The following CCSER1 variants were observed in gnomAD, a reference collection of about 807,000 sequenced individuals.
CCSER1 encodes the protein coiled-coil serine rich protein 1, also known as serine-rich coiled-coil domain-containing protein 1.
Under a neutral mutation model 82.0 loss-of-function variants are expected in CCSER1, and 41 were observed. That is an observed-to-expected ratio of 0.50 (90% CI 0.39 to 0.65). CCSER1 has a LOEUF of 0.65. Among genes scored for constraint, CCSER1 ranks in the 30% least tolerant of loss-of-function variants. The probability of loss-of-function intolerance (pLI) is 0.00; values close to 1 mark genes in which losing one functional copy is unlikely to be tolerated. For synonymous variants in CCSER1, 414 were observed against 383.9 expected, an observed-to-expected ratio of 1.08 and a Z score of -0.92; for missense variants, 1,119 against 1,064.2, an observed-to-expected ratio of 1.05 and a Z score of -0.72.
chr4:90,675,684 G>T (rs1368143427), intron 6 of CCSER1, among the ~76,000 whole-genome samples: 1 of 40 alleles, frequency 0.025, no homozygotes, highest in African/African-American at 0.12. Context: ...TGGGTTGGTG[G>T]TTTTTTTTTT....
chr4:90,306,182 G>T (rs954622723), intron 1 of CCSER1, among the ~76,000 whole-genome samples: 1 of 152,210 alleles, frequency 6.6e-6, no homozygotes, highest in Admixed American at 6.5e-5. Context: ...AGGACCGGGG[G>T]CTGGGGTGTC....
At chr4:90,714,301 T>C (rs1000036695) in intron 6 of CCSER1, among the ~76,000 whole-genome samples, 1 of 152,028 alleles carries the variant, frequency 6.6e-6, no homozygotes, top group African/African-American at 2.4e-5. Context: ...TCTCCCCTAA[T>C]GAACTTAAGG....
At chr4:90,623,483 T>C (rs560671481) in intron 5 of CCSER1, among the ~76,000 whole-genome samples, 1 of 152,298 alleles carries the variant, frequency 6.6e-6, no homozygotes, top group East Asian at 1.9e-4. Context: ...AGATGAGGTT[T>C]TGTGAGAGAG....
intron 1 of CCSER1, among the ~76,000 whole-genome samples, chr4:90,236,743 G>A (rs918171979): frequency 3.3e-5 from 5 of 151,824 alleles, no homozygotes; most frequent in Admixed American, 6.6e-5. Flanking sequence ...CATGAGAAAT[G>A]TTATTGTTTT....
intron 10 of CCSER1, among the ~76,000 whole-genome samples, chr4:91,301,346 G>T (rs1257963310): frequency 6.6e-6 from 1 of 151,444 alleles, no homozygotes; most frequent in Non-Finnish European, 1.5e-5. Flanking sequence ...TAAAACAATT[G>T]CAATATTAAA....
chr4:90,950,962 A>C (rs962501010), intron 9 of CCSER1, among the ~76,000 whole-genome samples: 1 of 152,114 alleles, frequency 6.6e-6, no homozygotes, highest in Admixed American at 6.6e-5. Flanking sequence ...TCACTGAAAA[A>C]TTGTTTATTG....
intron 7 of CCSER1, chr4:90,780,706 G>A (rs148780845): frequency 3.0e-6 from 4 of 1,312,598 alleles, no homozygotes; most frequent in African/African-American, 1.5e-5. Flanking sequence ...AAACGGTCAG[G>A]AGGCCTCCTT....
At chr4:90,705,560 G>A (rs528660875) in intron 6 of CCSER1, among the ~76,000 whole-genome samples, 13 of 152,270 alleles carry the variant, frequency 8.5e-5, no homozygotes, top group East Asian at 5.8e-4. Flanking sequence ...GGCTATGCCC[G>A]GCCCCCAGAG....
chr4:90,874,395 A>C (rs1766935984), intron 8 of CCSER1, among the ~76,000 whole-genome samples: 1 of 151,704 alleles, frequency 6.6e-6, no homozygotes, highest in African/African-American at 2.4e-5. Context: ...TTTTGTGAAA[A>C]TTTGTTATGT....
At chr4:90,438,789 T>TATCTATC (rs1759428066) in intron 4 of CCSER1, among the ~76,000 whole-genome samples, 1 of 152,052 alleles carries the variant, frequency 6.6e-6, no homozygotes, top group South Asian at 2.1e-4. Context: ...TCTATCTATC[T>TATCTATC]ATCTATCTAT....
At chr4:90,153,237 T>A (rs1043053984) in intron 1 of CCSER1, among the ~76,000 whole-genome samples, 1 of 152,066 alleles carries the variant, frequency 6.6e-6, no homozygotes. Context: ...TGTGGCTGCA[T>A]AGTATTCCAT....
intron 3 of CCSER1, among the ~76,000 whole-genome samples, chr4:90,313,782 T>C (rs1180678590): frequency 6.6e-6 from 1 of 152,102 alleles, no homozygotes; most frequent in Non-Finnish European, 1.5e-5. Context: ...TGGCCTCAGG[T>C]TTCACAAGTA....
Position 90,675,389 on chromosome 4 carries a change from G to T in CCSER1, c.1932+47157G>T, listed in dbSNP as rs866009716. ...AAAAAAATATTCTATATTACTATAT[G>T]TCTAGTAAATGTGTATTGTACAGCT... On this transcript the variant is annotated intron_variant, in intron 6 of 10. Coordinates refer to ENST00000509176, the MANE Select transcript of CCSER1 (RefSeq NM_001145065.2). Among the ~76,000 whole-genome samples, 1,190 of 151,976 alleles carry T rather than the reference G, an allele frequency of 7.8e-3. 7 individuals carry two copies. The highest frequency in any genetic ancestry group is 0.012 in the Non-Finnish European group (844 of 67,878).
intron 4 of CCSER1, among the ~76,000 whole-genome samples, chr4:90,458,552 AC>A (rs1762477585): frequency 6.6e-6 from 1 of 151,546 alleles, no homozygotes; most frequent in African/African-American, 2.4e-5. Flanking sequence ...ACAGGGTTTC[AC>A]CCTTTTGGCC....
intron 9 of CCSER1, among the ~76,000 whole-genome samples, chr4:91,061,984 A>G (rs951423383): frequency 1.3e-5 from 2 of 151,950 alleles, no homozygotes; most frequent in Non-Finnish European, 2.9e-5. Flanking sequence ...GAAATATTTA[A>G]GCTATTATCC....
At chr4:90,941,684 A>G (rs1386530651) in intron 9 of CCSER1, among the ~76,000 whole-genome samples, 12 of 152,192 alleles carry the variant, frequency 7.9e-5, no homozygotes. Context: ...CACTCTCTCT[A>G]AAACAAATCT....
chr4:91,042,071 G>A (rs1251065578), intron 9 of CCSER1, among the ~76,000 whole-genome samples: 1 of 152,034 alleles, frequency 6.6e-6, no homozygotes, highest in Non-Finnish European at 1.5e-5. Flanking sequence ...TTTTTATGGT[G>A]GTTTTTGTTT....
intron 10 of CCSER1, among the ~76,000 whole-genome samples, chr4:91,108,951 A>C (rs1185259096): frequency 6.6e-6 from 1 of 152,198 alleles, no homozygotes; most frequent in East Asian, 1.9e-4. Flanking sequence ...GCACCATCAA[A>C]TCAGCTGAGG....
intron 10 of CCSER1, among the ~76,000 whole-genome samples, chr4:91,131,512 T>G (rs1727994941): frequency 6.6e-6 from 1 of 152,058 alleles, no homozygotes. Flanking sequence ...AATACCTTTG[T>G]GATCAGGAGA....
Sources: allele counts gnomAD v4.1 joint callset (sites outside exome capture counted in the v4.1 genomes callset), GRCh38; gene constraint gnomAD v4.1.1; transcripts MANE v1.5; gene names NCBI Gene and HGNC (gene_info 2026-07-23, HGNC 2026-07-21).